NCOA7: variants seen among roughly 807,000 people sequenced by gnomAD.
NCOA7 encodes the protein nuclear receptor coactivator 7.
NCOA7 carries 45 observed loss-of-function variants against 104.3 expected under a neutral mutation model. The observed-to-expected ratio is 0.43, with a 90% CI of 0.34 to 0.55. The LOEUF is 0.55. Ranked by LOEUF, NCOA7 falls within the 20% of genes least tolerant of loss-of-function variation. The pLI is 0.02. For missense variants in NCOA7, 1,041 were observed against 1,119.7 expected (o/e 0.93, Z 1.00); for synonymous variants, 398 against 402.3 (o/e 0.99, Z 0.13).
At chr6:125,882,672 G>A in intron 7 of NCOA7, 121 bp downstream of exon 7, 1 of 1,224,686 alleles carries the variant, frequency 8.2e-7, no homozygotes, top group Non-Finnish European at 1.1e-6. Flanking sequence ...TTTTAGGTTT[G>A]ACAAGCATCC....
At chr6:125,877,522 C>CT (rs1783482743) in intron 4 of NCOA7, among the ~76,000 whole-genome samples, 1 of 152,096 alleles carries the variant, frequency 6.6e-6, no homozygotes, top group South Asian at 2.1e-4. Context: ...AGGGAGCCAA[C>CT]TTTTTTTCTG....
upstream of NCOA7, among the ~76,000 whole-genome samples, chr6:125,787,545 T>C (rs754220919): frequency 1.1e-4 from 16 of 152,208 alleles, no homozygotes. Context: ...TCTCTGCTTC[T>C]CTTATCTACT....
At chr6:125,817,695 G>A (rs1244485816) in intron 2 of NCOA7, among the ~76,000 whole-genome samples, 1 of 152,160 alleles carries the variant, frequency 6.6e-6, no homozygotes, top group African/African-American at 2.4e-5. Context: ...CTCCCGGACT[G>A]TAGTTTGTCT....
intron 11 of NCOA7, chr6:125,919,109 G>A: frequency 2.9e-6 from 2 of 687,974 alleles, no homozygotes; most frequent in East Asian, 6.3e-5. Flanking sequence ...AAAGGTGAAA[G>A]TGTCCTTTTA....
At chr6:125,796,117 T>G (rs1277134916) in intron 1 of NCOA7, among the ~76,000 whole-genome samples, 2 of 152,234 alleles carry the variant, frequency 1.3e-5, no homozygotes, top group African/African-American at 4.8e-5. Flanking sequence ...TGTAAACTCA[T>G]GGAGCCTTCT....
chr6:125,925,695 A>G (rs1787961525), intron 13 of NCOA7, among the ~76,000 whole-genome samples: 1 of 152,198 alleles, frequency 6.6e-6, no homozygotes, highest in Admixed American at 6.5e-5. Flanking sequence ...TATGTCTGCT[A>G]AGGAAGTTGA....
At chr6:125,883,713 C>CTTTT (rs35489978) in intron 7 of NCOA7, among the ~76,000 whole-genome samples, 5 of 85,946 alleles carry the variant, frequency 5.8e-5, no homozygotes, top group Admixed American at 1.5e-4. Context: ...ACCTACACCT[C>CTTTT]TTTTTTTTTT....
chr6:125,797,243 G>A lies in NCOA7; in HGVS notation c.-65+6176G>A, dbSNP rs940736927. ...AGATGACATGAGCCATTTGGAGAGA[G>A]TGGTCCAATCTAAGAAGTGACTCCT... On this transcript the variant is annotated intron_variant, in intron 1 of 15. Coordinates refer to ENST00000392477, the MANE Select transcript of NCOA7 (RefSeq NM_181782.5). Among the ~76,000 whole-genome samples, 39 of 152,190 alleles carry A rather than the reference G, an allele frequency of 2.6e-4. 1 individual carries two copies. Among genetic ancestry groups the A allele is most frequent in the Non-Finnish European group, 5.0e-4 (34 of 68,028 alleles).
intron 1 of NCOA7, chr6:125,802,408 G>A (rs554127174): frequency 6.6e-6 from 1 of 152,264 alleles, no homozygotes; most frequent in East Asian, 1.9e-4. Context: ...GTTCAAGTTC[G>A]GGTTCTGTTC....
At chr6:125,826,063 C>T (rs1395549683) in intron 2 of NCOA7, among the ~76,000 whole-genome samples, 3 of 152,074 alleles carry the variant, frequency 2.0e-5, no homozygotes, top group African/African-American at 2.4e-5. Flanking sequence ...CAGTGGGTCA[C>T]GCCTGTAATC....
intron 1 of NCOA7, among the ~76,000 whole-genome samples, chr6:125,794,420 A>T (rs1775121061): frequency 6.6e-6 from 1 of 152,180 alleles, no homozygotes; most frequent in Non-Finnish European, 1.5e-5. Flanking sequence ...ATAACCTAAT[A>T]TCAATATTTT....
intron 1 of NCOA7, among the ~76,000 whole-genome samples, chr6:125,802,823 T>C (rs780057608): frequency 6.6e-6 from 1 of 152,244 alleles, no homozygotes; most frequent in Non-Finnish European, 1.5e-5. Flanking sequence ...CCCAGTCTGC[T>C]AGAAATTTAT....
chr6:125,814,273 A>G (rs200691143), intron 1 of NCOA7, among the ~76,000 whole-genome samples: 1 of 151,920 alleles, frequency 6.6e-6, no homozygotes, highest in African/African-American at 2.4e-5. Context: ...TCGCGCCTCA[A>G]CCTCCGGAGT....
At chr6:125,811,280 T>C (rs1177797018) in intron 1 of NCOA7, among the ~76,000 whole-genome samples, 1 of 152,210 alleles carries the variant, frequency 6.6e-6, no homozygotes, top group African/African-American at 2.4e-5. Context: ...TCCCCAGTCC[T>C]GGATTAATTT....
At chr6:125,815,513 A>G in intron 2 of NCOA7, 109 bp downstream of exon 2, 1 of 828,988 alleles carries the variant, frequency 1.2e-6, no homozygotes, top group Admixed American at 2.3e-5. Flanking sequence ...GTTCATAAAT[A>G]GAGCAGGTAA....
intron 8 of NCOA7, among the ~76,000 whole-genome samples, chr6:125,888,164 T>G (rs1050524901): frequency 3.3e-5 from 5 of 152,254 alleles, no homozygotes; most frequent in African/African-American, 1.2e-4. Context: ...ACAATATGTT[T>G]CAGCTGATAA....
chr6:125,918,754 T>C (rs1583547923), intron 11 of NCOA7, among the ~76,000 whole-genome samples: 1 of 152,324 alleles, frequency 6.6e-6, no homozygotes, highest in East Asian at 1.9e-4. Context: ...ACCAGATGTT[T>C]TCCCATTCTT....
intron 5 of NCOA7, among the ~76,000 whole-genome samples, chr6:125,879,363 C>T (rs1583446795): frequency 6.6e-6 from 1 of 152,282 alleles, no homozygotes; most frequent in Non-Finnish European, 1.5e-5. Flanking sequence ...ATTTTTATCT[C>T]ATGGAAGTTG....
In NCOA7 at chr6:125,915,416, TGGA is replaced by T. The variant is rs1314881026; in HGVS notation, c.2182_2184del (p.Glu728del). 1.2e-6 allele frequency: 2 copies of T among 1,613,870 alleles called. No homozygotes were observed. The highest frequency in any genetic ancestry group is 3.3e-5 in the Admixed American group (2 of 59,992). ...GCCAAAGAGCAAGGCTTTGTGGTGG[TGGA>T]GAAGGAAGAACTGAACATGATTGAC... On this transcript the variant is annotated inframe_deletion, in exon 11 of 16. Transcript: ENST00000392477.
Sources: gnomAD v4.1 joint callset for allele counts (sites outside exome capture counted in the v4.1 genomes callset) on GRCh38, gnomAD v4.1.1 for gene constraint, MANE v1.5 for transcripts, NCBI Gene and HGNC (gene_info 2026-07-23, HGNC 2026-07-21) for gene names.